TBC1D9B: variants seen among roughly 807,000 people sequenced by gnomAD.
TBC1D9B encodes TBC1 domain family, member 9B (with GRAM domain).
Under a neutral mutation model 121.1 loss-of-function variants are expected in TBC1D9B, and 87 were observed. The observed-to-expected ratio is 0.72, with a 90% CI of 0.60 to 0.86. The LOEUF is 0.86. Among genes scored for constraint, TBC1D9B ranks in the 40% least tolerant of loss-of-function variants. The probability of loss-of-function intolerance (pLI) is 0.00; values close to 1 mark genes in which losing one functional copy is unlikely to be tolerated. For synonymous variants in TBC1D9B, 668 were observed against 670.1 expected (o/e 1.00, Z 0.05); for missense variants, 1,540 against 1,628.6 (o/e 0.95, Z 0.94).
rs1367858183 is a variant in TBC1D9B at position 179,863,371 on chromosome 5, A to G, written c.*77T>C. 2.7e-6 allele frequency: 4 copies of G among 1,501,444 alleles called. No individual in the cohort carries two copies. Among genetic ancestry groups the G allele is most frequent in the East Asian group, 2.3e-5 (1 of 44,222 alleles). 93.0% of individuals were successfully genotyped at this position (1,501,444 alleles called of 1,614,324 possible). A position where few individuals can be genotyped will look rare whatever the true frequency, so the allele number is the denominator to read the frequency against. ...GGGGCACACCTTTAAAGAGAAACTG[A>G]TAAGGGAGGAAAGGCAGGAGGAGAT... On this transcript the variant is annotated 3_prime_UTR_variant, in exon 21 of 21. Coordinates refer to ENST00000355235, the MANE Select transcript of TBC1D9B (RefSeq NM_015043.4). This position sits in a 1 kb window ranked among gnomAD's most constrained non-coding sequence, Gnocchi z 4.5.
Position 179,871,528 on chromosome 5 carries a change from G to A in TBC1D9B, c.2418C>T (p.Val806=). The A allele has an allele frequency of 6.2e-7, 1 of 1,612,610 alleles. No homozygotes were observed. The highest frequency in any genetic ancestry group is 1.3e-5 in the African/African-American group (1 of 75,028). The change falls in exon 15 of 21, where the codon GTC becomes GTT. Residue 806 remains valine, a splice_region_variant and synonymous_variant. Coordinates refer to ENST00000355235, the MANE Select transcript of TBC1D9B (RefSeq NM_015043.4). ...SLEDTAKRSV[V]RAIPVDIGFS... ...AACCAATGTCCACAGGTATAGCTCG[G>A]ACCTAGAAGGAAGGAGAAACAGGGT...
At position 179,881,952 on chromosome 5, in the gene TBC1D9B, T is replaced by G. The variant is rs545093133; in HGVS notation, c.1255-2163A>C. ...ATCTTTCCATATACCTTCCGTTTTT[T>G]TTTTTTTTTTGAGATGGAGTCTTGC... On this transcript the variant is annotated intron_variant, in intron 7 of 20. Transcript: ENST00000355235. 4.2e-4 allele frequency among the ~76,000 whole-genome samples: 63 copies of G among 150,208 alleles called. 4 individuals are homozygous for G. Among genetic ancestry groups the G allele is most frequent in the African/African-American group, 1.0e-3 (42 of 40,036 alleles).
intron 5 of TBC1D9B, 126 bp downstream of exon 5, chr5:179,893,083 G>A (rs1247962855): frequency 7.4e-7 from 1 of 1,354,504 alleles, no homozygotes; most frequent in African/African-American, 1.5e-5. Context: ...CTTCCCAAGT[G>A]GGGAGCCCAT....
chr5:179,906,524 T>C (rs887892222), intron 1 of TBC1D9B, among the ~76,000 whole-genome samples: 3 of 152,186 alleles, frequency 2.0e-5, no homozygotes, highest in African/African-American at 7.2e-5. Flanking sequence ...CCTGGCGCGC[T>C]GGCGGAAGAA....
rs1760964669 is a variant in TBC1D9B, at chr5:179,894,483, G to C, written c.480C>G (p.Tyr160Ter). ...MPEGEKLVNY[Y>*]SCSYWKGRVP... Reference sequence around the variant, plus strand: ...CGCGGCCCTTCCAGTAGCTGCAGGAGTAGTAATTCACCAGCTTCTCGCCCT... The same window carrying C: ...CGCGGCCCTTCCAGTAGCTGCAGGACTAGTAATTCACCAGCTTCTCGCCCT... Residue 160 changes from tyrosine (Y) to a stop codon, truncating the protein, a stop_gained, in exon 4 of 21, where the codon TAC becomes TAG. Coordinates refer to ENST00000355235, the MANE Select transcript of TBC1D9B (RefSeq NM_015043.4). LOFTEE classifies it high-confidence loss of function. The C allele has an allele frequency of 6.2e-7, 1 of 1,614,100 alleles. No homozygotes were observed. The highest frequency in any genetic ancestry group is 8.5e-7 in the Non-Finnish European group (1 of 1,180,026).
In TBC1D9B at chr5:179,865,997, G is replaced by T; in HGVS notation, c.2864-109C>A. On this transcript the variant is annotated intron_variant, in intron 18 of 20. Coordinates refer to ENST00000355235, the MANE Select transcript of TBC1D9B (RefSeq NM_015043.4). The surrounding 1 kb of genome is among the most constrained non-coding windows in gnomAD (Gnocchi z 5.1). ...TGTGTTTCTGTACAGCCAGCCCCAG[G>T]CCAGGCCCTGGGGAGCAGGTCTCCC... 7.2e-7 allele frequency: 1 copy of T among 1,393,224 alleles called. No homozygotes were observed. The highest frequency in any genetic ancestry group is 2.4e-5 in the East Asian group (1 of 42,382). 86.3% of individuals were successfully genotyped at this position (1,393,224 alleles called of 1,614,324 possible).
At chr5:179,870,520 G>C in intron 15 of TBC1D9B, 25 bp from the exon 16 acceptor site, 1 of 1,588,616 alleles carries the variant, frequency 6.3e-7, no homozygotes, top group Non-Finnish European at 8.5e-7. Context: ...CTGGTGAGAC[G>C]GTCCAGCCGC....
At chr5:179,899,384 G>C (rs1761109096) in intron 2 of TBC1D9B, 77 bp from the exon 3 acceptor site, 1 of 1,252,136 alleles carries the variant, frequency 8.0e-7, no homozygotes, top group African/African-American at 1.5e-5. Context: ...GAAGCGAGAT[G>C]AAAGTGGGTG....
chr5:179,885,462 G>A lies in TBC1D9B; in HGVS notation c.1254+2641C>T, dbSNP rs1429394262. 6.6e-6 allele frequency among the ~76,000 whole-genome samples: 1 copy of A among 151,784 alleles called. No homozygotes were observed. The highest frequency in any genetic ancestry group is 2.4e-5 in the African/African-American group (1 of 41,308). ...AAATAAGCCGGGCGTGGTGGTGGAC[G>A]CCTGTAATCCCAGCTACTCGGGAGG... On this transcript the variant is annotated intron_variant, in intron 7 of 20. Coordinates refer to ENST00000355235, the MANE Select transcript of TBC1D9B (RefSeq NM_015043.4). This position sits in a 1 kb window ranked among gnomAD's most constrained non-coding sequence, Gnocchi z 4.5.
rs1759986925 is a variant in TBC1D9B, at chr5:179,865,686, C to T, written c.2914+152G>A. 32 of 863,454 alleles carry T rather than the reference C, an allele frequency of 3.7e-5. 1 individual carries two copies. In the South Asian group the frequency reaches 5.3e-4, roughly 14 times the overall value. The allele number at this position is 863,454 out of a possible 1,614,324, so 53.5% of individuals were successfully genotyped here. ...GGGCTGGTGGAGAGCGTGGAGCCTC[C>T]TGTGCATCCCGAGGCCTGCTCCCTG... On this transcript the variant is annotated intron_variant, in intron 19 of 20. Coordinates refer to ENST00000355235, the MANE Select transcript of TBC1D9B (RefSeq NM_015043.4). The surrounding 1 kb of genome is among the most constrained non-coding windows in gnomAD (Gnocchi z 5.1).
intron 20 of TBC1D9B, among the ~76,000 whole-genome samples, chr5:179,864,418 G>C (rs979672478): frequency 6.6e-6 from 1 of 152,208 alleles, no homozygotes; most frequent in African/African-American, 2.4e-5. Flanking sequence ...GGCACAGGGA[G>C]ATGGATTTCT....
At chr5:179,906,932 C>T (rs1481550290) in intron 1 of TBC1D9B, among the ~76,000 whole-genome samples, 1 of 152,220 alleles carries the variant, frequency 6.6e-6, no homozygotes, top group African/African-American at 2.4e-5. Context: ...CAGTGCTGGG[C>T]GCAGGCCCTG....
rs878984102 is a variant in TBC1D9B at position 179,879,293 on chromosome 5, T to C, written c.1417-96A>G. 2.7e-6 allele frequency: 4 copies of C among 1,486,098 alleles called. No homozygotes were observed. The African/African-American group carries it at 4.2e-5, about 15-fold the overall frequency. The allele number at this position is 1,486,098 out of a possible 1,614,324, so 92.1% of individuals were successfully genotyped here. The stretch of plus-strand genomic sequence containing the variant: ...GAAGCCTCGTGAACACTCCAGACAG[T>C]GCTGGCCAGCAAGTGTGGCCTTCCT... On this transcript the variant is annotated intron_variant, in intron 8 of 20. Coordinates refer to ENST00000355235, the MANE Select transcript of TBC1D9B (RefSeq NM_015043.4).
chr5:179,890,031 C>T lies in TBC1D9B; in HGVS notation c.1044+1348G>A, dbSNP rs546894863. On this transcript the variant is annotated intron_variant, in intron 6 of 20. Coordinates refer to ENST00000355235, the MANE Select transcript of TBC1D9B (RefSeq NM_015043.4). The surrounding 1 kb of genome is among the most constrained non-coding windows in gnomAD (Gnocchi z 5.0). ...CATGCTGTAGGGAGGAGGGAGAGGT[C>T]GGAATCTAGGCCGATACGTGGCTTT... Among the ~76,000 whole-genome samples, 14 of 151,956 alleles carry T rather than the reference C, an allele frequency of 9.2e-5. No individual in the cohort carries two copies. The highest frequency in any genetic ancestry group is 1.9e-4 in the Non-Finnish European group (13 of 67,976).
At chr5:179,872,637 A>G (rs1760236903) in intron 14 of TBC1D9B, 3 of 523,022 alleles carry the variant, frequency 5.7e-6, no homozygotes, top group Non-Finnish European at 6.9e-6. Flanking sequence ...AGGGCTGGGC[A>G]TGTGGCTTTC....
At position 179,879,231 on chromosome 5, in the gene TBC1D9B, C is replaced by T. The variant is rs372318912; in HGVS notation, c.1417-34G>A. 1.3e-4 allele frequency: 202 copies of T among 1,584,662 alleles called. 1 individual carries two copies. Among genetic ancestry groups the T allele is most frequent in the African/African-American group, 7.7e-4 (58 of 74,874 alleles). Reference sequence around the variant, plus strand: ...AAAGCGCATCAGGGAGCCTGGGGGCCGAAGCGCATCTGAGTGCCGAGGCCT... The same window carrying T: ...AAAGCGCATCAGGGAGCCTGGGGGCTGAAGCGCATCTGAGTGCCGAGGCCT... On this transcript the variant is annotated intron_variant, in intron 8 of 20. Coordinates refer to ENST00000355235, the MANE Select transcript of TBC1D9B (RefSeq NM_015043.4).
At chr5:179,894,059 G>A (rs1327698478) in intron 4 of TBC1D9B, among the ~76,000 whole-genome samples, 1 of 152,166 alleles carries the variant, frequency 6.6e-6, no homozygotes, top group African/African-American at 2.4e-5. Flanking sequence ...GCTGTGGCAC[G>A]CACCCAAGGC....
At chr5:179,893,188 C>G (rs749957743) in intron 5 of TBC1D9B, 21 bp downstream of exon 5, 2 of 1,586,544 alleles carry the variant, frequency 1.3e-6, no homozygotes, top group Non-Finnish European at 1.7e-6. Flanking sequence ...GAGCCCACCC[C>G]AGCCCTGGAG....
In TBC1D9B at chr5:179,875,144, GTC is replaced by G; in HGVS notation, c.1942_1943del (p.Asp648LeufsTer46). ...DQGIFEELTR[D>X]FLPQLSEKMQ... is the part of the protein sequence containing the mutation. ...TCTTCTCCGAGAGCTGCGGCAGGAA[GTC>G]TCTCGTGAGCTCTTCGAAGATGCCT... On this transcript the variant is annotated frameshift_variant, in exon 12 of 21. Coordinates refer to ENST00000355235, the MANE Select transcript of TBC1D9B (RefSeq NM_015043.4). LOFTEE classifies it high-confidence loss of function. The surrounding 1 kb of genome is among the most constrained non-coding windows in gnomAD (Gnocchi z 4.5). 6.2e-7 allele frequency: 1 copy of G among 1,613,850 alleles called. No homozygotes were observed. Among genetic ancestry groups the G allele is most frequent in the Non-Finnish European group, 8.5e-7 (1 of 1,180,032 alleles).
Sources: gnomAD v4.1 joint callset for allele counts (sites outside exome capture counted in the v4.1 genomes callset) on GRCh38, gnomAD v4.1.1 for gene constraint, Gnocchi (gnomAD v3.1) non-coding constraint, MANE v1.5 for transcripts, NCBI Gene and HGNC (gene_info 2026-07-23, HGNC 2026-07-21) for gene names.